The following CRPPA variants were observed in gnomAD, a reference collection of about 807,000 sequenced individuals.
CRPPA encodes CDP-L-ribitol pyrophosphorylase A.
A neutral mutation model predicts 52.0 loss-of-function variants in CRPPA; 43 were observed. The ratio of observed to expected loss-of-function variants is 0.83; its 90% CI spans 0.65 to 1.07. The LOEUF is 1.07. Among genes scored for constraint, CRPPA ranks in the 50% least tolerant of loss-of-function variants. The probability of loss-of-function intolerance (pLI) is 0.00; values close to 1 mark genes in which losing one functional copy is unlikely to be tolerated. For synonymous variants in CRPPA, 250 were observed against 203.5 expected, an observed-to-expected ratio of 1.23 and a Z score of -1.94; for missense variants, 629 against 551.7, an observed-to-expected ratio of 1.14 and a Z score of -1.40.
At chr7:16,167,768 G>A (rs1781097946) in intron 9 of CRPPA, among the ~76,000 whole-genome samples, 1 of 152,098 alleles carries the variant, frequency 6.6e-6, no homozygotes, top group Non-Finnish European at 1.5e-5. Context: ...TCTTCCCTCT[G>A]CCTAAATATT....
chr7:16,325,560 G>C (rs1477875034), intron 3 of CRPPA, among the ~76,000 whole-genome samples: 2 of 152,144 alleles, frequency 1.3e-5, no homozygotes, highest in Non-Finnish European at 2.9e-5. Flanking sequence ...TCCTGAAAGA[G>C]TGATGACTAT....
At chr7:16,304,674 A>G (rs1784869238) in intron 4 of CRPPA, among the ~76,000 whole-genome samples, 1 of 152,124 alleles carries the variant, frequency 6.6e-6, no homozygotes. Flanking sequence ...AATAAAATAC[A>G]AAATAATCCT....
intron 9 of CRPPA, among the ~76,000 whole-genome samples, chr7:16,135,291 C>T (rs1034710390): frequency 1.3e-5 from 2 of 152,092 alleles, no homozygotes; most frequent in African/African-American, 2.4e-5. Flanking sequence ...TTAACATATA[C>T]CTTTTTGAAG....
chr7:16,354,036 T>C (rs1308540987), intron 3 of CRPPA, among the ~76,000 whole-genome samples: 1 of 151,916 alleles, frequency 6.6e-6, no homozygotes, highest in Non-Finnish European at 1.5e-5. Flanking sequence ...CAAGCAGCTA[T>C]ACCATAAAAA....
At chr7:16,367,416 A>T (rs1265175725) in intron 3 of CRPPA, among the ~76,000 whole-genome samples, 2 of 152,200 alleles carry the variant, frequency 1.3e-5, no homozygotes, top group Non-Finnish European at 2.9e-5. Flanking sequence ...GAGAGTTGTA[A>T]TGCTTGGTGA....
intron 3 of CRPPA, among the ~76,000 whole-genome samples, chr7:16,342,207 G>C (rs1050019274): frequency 1.3e-5 from 2 of 152,084 alleles, no homozygotes; most frequent in African/African-American, 4.8e-5. Context: ...CATAAATGAA[G>C]GTGTATGCTT....
At chr7:16,166,534 T>C (rs939260921) in intron 9 of CRPPA, among the ~76,000 whole-genome samples, 3 of 152,042 alleles carry the variant, frequency 2.0e-5, no homozygotes, top group Admixed American at 6.6e-5. Flanking sequence ...CCCCCCTCAA[T>C]CTCTCAAAAT....
intron 3 of CRPPA, among the ~76,000 whole-genome samples, chr7:16,319,832 T>C (rs1785219460): frequency 6.6e-6 from 1 of 152,166 alleles, no homozygotes; most frequent in African/African-American, 2.4e-5. Flanking sequence ...CACCTGCCTC[T>C]GCTAGGGTGG....
chr7:16,361,584 T>C (rs1004967840), intron 3 of CRPPA, among the ~76,000 whole-genome samples: 1 of 152,106 alleles, frequency 6.6e-6, no homozygotes, highest in East Asian at 1.9e-4. Flanking sequence ...CTTAAAGACA[T>C]GATGCTAAGT....
At chr7:16,195,795 A>C (rs1395835337) in intron 9 of CRPPA, among the ~76,000 whole-genome samples, 1 of 152,086 alleles carries the variant, frequency 6.6e-6, no homozygotes, top group Admixed American at 6.6e-5. Context: ...GCTCAGGTCC[A>C]TTTCTTGCTC....
chr7:16,297,939 T>G (rs1337619840), intron 5 of CRPPA, among the ~76,000 whole-genome samples: 1 of 152,210 alleles, frequency 6.6e-6, no homozygotes, highest in Non-Finnish European at 1.5e-5. Context: ...TCTCTGTATA[T>G]CCTGCTGGTT....
chr7:16,252,572 T>G (rs1288813383), intron 8 of CRPPA, among the ~76,000 whole-genome samples: 1 of 152,176 alleles, frequency 6.6e-6, no homozygotes, highest in Non-Finnish European at 1.5e-5. Flanking sequence ...TTCTCTTTTT[T>G]TGTTGTATCT....
At chr7:16,348,732 CAGT>C (rs35399030) in intron 3 of CRPPA, among the ~76,000 whole-genome samples, 75,022 of 151,856 alleles carry the variant, frequency 0.49, 19,002 homozygotes, top group South Asian at 0.67. Flanking sequence ...AGAAGACAAA[CAGT>C]AGCCTCTCAG....
intron 1 of CRPPA, among the ~76,000 whole-genome samples, chr7:16,410,508 C>G (rs1006799989): frequency 2.0e-5 from 3 of 152,182 alleles, no homozygotes; most frequent in African/African-American, 4.8e-5. Context: ...ACGGTCATCT[C>G]TACCATAATT....
chr7:16,233,717 G>A (rs147973519), intron 8 of CRPPA, among the ~76,000 whole-genome samples: 1 of 152,224 alleles, frequency 6.6e-6, no homozygotes, highest in Non-Finnish European at 1.5e-5. Context: ...TTTCATAATC[G>A]GGTACAATCG....
At chr7:16,417,452 A>G (rs547145159) in intron 1 of CRPPA, among the ~76,000 whole-genome samples, 6 of 152,364 alleles carry the variant, frequency 3.9e-5, no homozygotes, top group African/African-American at 1.4e-4. Context: ...ATGGAATACT[A>G]TGTAGCCATA....
chr7:16,283,027 C>A (rs189289100), intron 5 of CRPPA, among the ~76,000 whole-genome samples: 27 of 152,054 alleles, frequency 1.8e-4, no homozygotes, highest in Non-Finnish European at 3.4e-4. Context: ...AATACATATG[C>A]CTAGTGCACA....
intron 3 of CRPPA, among the ~76,000 whole-genome samples, chr7:16,365,583 G>T (rs547722235): frequency 1.3e-5 from 2 of 152,220 alleles, no homozygotes; most frequent in African/African-American, 2.4e-5. Flanking sequence ...TCAAAAAAAT[G>T]GATGATTTTA....
intron 5 of CRPPA, among the ~76,000 whole-genome samples, chr7:16,298,501 G>C (rs962659493): frequency 2.0e-5 from 3 of 152,166 alleles, no homozygotes; most frequent in Non-Finnish European, 2.9e-5. Flanking sequence ...GAAGAAATAA[G>C]AGATAGAGAT....
Sources: allele counts gnomAD v4.1 joint callset (sites outside exome capture counted in the v4.1 genomes callset), GRCh38; gene constraint gnomAD v4.1.1; transcripts MANE v1.5; gene names NCBI Gene and HGNC (gene_info 2026-07-23, HGNC 2026-07-21).